PSD3: variants seen among roughly 807,000 people sequenced by gnomAD.
The protein encoded by PSD3 is PH and SEC7 domain-containing protein 3.
PSD3 carries 49 observed loss-of-function variants against 105.5 expected under a neutral mutation model. That is an observed-to-expected ratio of 0.46 (90% CI 0.37 to 0.59). PSD3 has a LOEUF of 0.59. Ranked by LOEUF, PSD3 falls within the 20% of genes least tolerant of loss-of-function variation. PSD3 has a pLI of 0.00. For missense variants in PSD3, 1,561 were observed against 1,263.8 expected (o/e 1.24, Z -3.57); for synonymous variants, 557 against 457.8 (o/e 1.22, Z -2.77).
intron 1 of PSD3, among the ~76,000 whole-genome samples, chr8:19,074,060 G>A (rs1170816381): frequency 6.6e-6 from 1 of 152,116 alleles, no homozygotes; most frequent in African/African-American, 2.4e-5. Flanking sequence ...AAAGTGCCGA[G>A]ATTACAGGCC....
intron 1 of PSD3, among the ~76,000 whole-genome samples, chr8:18,955,590 A>G (rs533174505): frequency 1.3e-5 from 2 of 152,164 alleles, no homozygotes; most frequent in South Asian, 2.1e-4. Context: ...TTATTCGTTT[A>G]TGAAAATCTC....
At chr8:18,553,367 C>G (rs1800889484) in intron 15 of PSD3, among the ~76,000 whole-genome samples, 1 of 149,812 alleles carries the variant, frequency 6.7e-6, no homozygotes, top group African/African-American at 2.4e-5. Flanking sequence ...CTGCTCTCAC[C>G]TGGGTGAGAA....
intron 14 of PSD3, among the ~76,000 whole-genome samples, chr8:18,559,822 A>C (rs1013236377): frequency 6.6e-6 from 1 of 152,150 alleles, no homozygotes; most frequent in African/African-American, 2.4e-5. Flanking sequence ...TATGTTTTTC[A>C]CTTTCCTCCC....
intron 15 of PSD3, among the ~76,000 whole-genome samples, chr8:18,548,335 G>T (rs1200936695): frequency 6.6e-6 from 1 of 152,048 alleles, no homozygotes; most frequent in Non-Finnish European, 1.5e-5. Context: ...CTTTGAAATT[G>T]GTTACTAGAA....
intron 9 of PSD3, among the ~76,000 whole-genome samples, chr8:18,745,815 A>C (rs1276229053): frequency 6.6e-6 from 1 of 152,208 alleles, no homozygotes; most frequent in African/African-American, 2.4e-5. Flanking sequence ...TTACAAGTTC[A>C]TATGAATAAC....
chr8:18,662,838 T>C (rs11203974), intron 9 of PSD3, among the ~76,000 whole-genome samples: 3,714 of 152,276 alleles, frequency 0.024, 113 homozygotes, highest in East Asian at 0.13. Flanking sequence ...TCTCAAATCC[T>C]AGGCACAGCT....
intron 4 of PSD3, among the ~76,000 whole-genome samples, chr8:18,844,493 C>A (rs2129451605): frequency 6.6e-6 from 1 of 152,196 alleles, no homozygotes; most frequent in East Asian, 1.9e-4. Context: ...TAAACATGAT[C>A]CCCCTCTTGT....
intron 4 of PSD3, among the ~76,000 whole-genome samples, chr8:18,853,839 G>C (rs1176734647): frequency 1.3e-5 from 2 of 152,114 alleles, no homozygotes. Flanking sequence ...GCGCCTCAAA[G>C]AGCAGCACAA....
chr8:18,978,973 A>T (rs1418137031), intron 1 of PSD3, among the ~76,000 whole-genome samples: 1 of 152,164 alleles, frequency 6.6e-6, no homozygotes, highest in Non-Finnish European at 1.5e-5. Flanking sequence ...AGAAAGCCAG[A>T]CAGGAGTCCA....
At chr8:18,752,644 T>C (rs1805696493) in intron 9 of PSD3, among the ~76,000 whole-genome samples, 1 of 101,310 alleles carries the variant, frequency 9.9e-6, no homozygotes, top group Non-Finnish European at 1.8e-5. Context: ...ATATATATAA[T>C]ATATATAATA....
At chr8:18,607,949 G>C (rs1264501544) in intron 11 of PSD3, among the ~76,000 whole-genome samples, 8 of 152,128 alleles carry the variant, frequency 5.3e-5, no homozygotes, top group Admixed American at 5.2e-4. Flanking sequence ...CAGATCTCAG[G>C]AGAACTCACT....
intron 2 of PSD3, among the ~76,000 whole-genome samples, chr8:18,925,703 C>T (rs1563427563): frequency 6.6e-6 from 1 of 152,080 alleles, no homozygotes; most frequent in Admixed American, 6.6e-5. Flanking sequence ...AACAAGAAAT[C>T]ATGCCAGTTT....
At chr8:18,739,425 G>C (rs538248766) in intron 9 of PSD3, among the ~76,000 whole-genome samples, 1 of 152,148 alleles carries the variant, frequency 6.6e-6, no homozygotes, top group Non-Finnish European at 1.5e-5. Flanking sequence ...TGTAAATACA[G>C]TGCCTTTGTC....
chr8:19,042,572 A>C (rs1828160934), intron 1 of PSD3, among the ~76,000 whole-genome samples: 1 of 152,230 alleles, frequency 6.6e-6, no homozygotes. Context: ...GATACCAGTG[A>C]AATTTGTGCA....
intron 14 of PSD3, 136 bp downstream of exon 14, chr8:18,572,392 T>C (rs1802198051): frequency 9.2e-7 from 1 of 1,084,130 alleles, no homozygotes. Flanking sequence ...ATCTGCCTCA[T>C]TTATATGATA....
intron 9 of PSD3, among the ~76,000 whole-genome samples, chr8:18,728,202 A>T (rs1018156265): frequency 6.6e-6 from 1 of 152,184 alleles, no homozygotes; most frequent in Non-Finnish European, 1.5e-5. Flanking sequence ...CTGATTTTCC[A>T]TGGAATTTCT....
chr8:18,729,995 G>C (rs1383729372), intron 9 of PSD3: 2 of 152,096 alleles, frequency 1.3e-5, no homozygotes, highest in Non-Finnish European at 2.9e-5. Context: ...GGAAAAGGAA[G>C]AAAGCATCAT....
intron 1 of PSD3, among the ~76,000 whole-genome samples, chr8:18,977,632 T>C (rs1041912619): frequency 6.6e-6 from 1 of 152,188 alleles, no homozygotes; most frequent in Non-Finnish European, 1.5e-5. Flanking sequence ...GTATAGAACA[T>C]GTCATATGAG....
intron 4 of PSD3, among the ~76,000 whole-genome samples, chr8:18,817,872 A>G (rs1225872234): frequency 6.6e-6 from 1 of 152,220 alleles, no homozygotes; most frequent in Admixed American, 6.5e-5. Context: ...TGAAGAGGGG[A>G]AGGTCTTCAG....
Sources: allele counts gnomAD v4.1 joint callset (sites outside exome capture counted in the v4.1 genomes callset), GRCh38; gene constraint gnomAD v4.1.1; transcripts MANE v1.5; gene names NCBI Gene and HGNC (gene_info 2026-07-23, HGNC 2026-07-21).